Variants in DLGAP4 observed in about 807,000 individuals in gnomAD.
The protein encoded by DLGAP4 is DLG associated protein 4.
DLGAP4 carries 18 observed loss-of-function variants against 86.9 expected under a neutral mutation model. The ratio of observed to expected loss-of-function variants is 0.21; its 90% CI spans 0.14 to 0.31. DLGAP4 has a LOEUF of 0.31. DLGAP4 is among the 10% of genes least tolerant of loss of function. The pLI, the probability that DLGAP4 is intolerant of heterozygous loss-of-function variation, is 1.00. For missense variants in DLGAP4, 1,085 were observed against 1,362.6 expected (o/e 0.80, Z 3.21); for synonymous variants, 548 against 574.3 (o/e 0.95, Z 0.65).
Position 36,526,960 on chromosome 20 carries a change from C to T in DLGAP4, c.2908C>T (p.Arg970Trp), listed in dbSNP as rs887833789. ...LLAAKRAASV[R>W]QNSATESADS... is the part of the protein sequence containing the mutation. ...GGCGGCCAAGCGGGCAGCTTCTGTGCGGCAGAACTCAGCCACCGAGAGCGC... is the reference window on the plus strand; with the variant it reads ...GGCGGCCAAGCGGGCAGCTTCTGTGTGGCAGAACTCAGCCACCGAGAGCGC... The change falls in exon 13 of 13, where the codon CGG (arginine) becomes TGG (tryptophan). Residue 970 changes from arginine (R) to tryptophan (W), a missense_variant. Transcript: ENST00000339266. The T allele has an allele frequency of 4.3e-6, 7 of 1,610,408 alleles. No individual in the cohort carries two copies. The highest frequency in any genetic ancestry group is 5.9e-6 in the Non-Finnish European group (7 of 1,178,582).
intron 1 of DLGAP4, among the ~76,000 whole-genome samples, chr20:36,317,269 TTCTTTCTTA>T (rs1229855149): frequency 7.2e-3 from 222 of 30,940 alleles, no homozygotes; most frequent in Non-Finnish European, 8.8e-3. Flanking sequence ...CTTTCTTTCT[TTCTTTCTTA>T]TCTTTCTTTC....
chr20:36,511,720 C>A (rs1343197879), intron 10 of DLGAP4, among the ~76,000 whole-genome samples: 1 of 151,474 alleles, frequency 6.6e-6, no homozygotes, highest in Non-Finnish European at 1.5e-5. Context: ...ACTAAAAATA[C>A]AAAAATCAGC....
At chr20:36,328,634 T>G (rs1236902791) in intron 1 of DLGAP4, among the ~76,000 whole-genome samples, 1 of 152,074 alleles carries the variant, frequency 6.6e-6, no homozygotes, top group Non-Finnish European at 1.5e-5. Flanking sequence ...TTGTTTGTTT[T>G]TTTGTTTTTT....
At chr20:36,462,424 A>AG in intron 7 of DLGAP4, 1 of 1,498,492 alleles carries the variant, frequency 6.7e-7, no homozygotes, top group Non-Finnish European at 8.8e-7. Context: ...CCCCCCTTTG[A>AG]GCCTGCTTCT....
intron 1 of DLGAP4, among the ~76,000 whole-genome samples, chr20:36,345,134 G>C (rs2029896038): frequency 6.6e-6 from 1 of 152,202 alleles, no homozygotes; most frequent in African/African-American, 2.4e-5. Context: ...AGAAAGGAAG[G>C]CTGGATTCTT....
chr20:36,343,561 C>T (rs1276966419), intron 1 of DLGAP4, among the ~76,000 whole-genome samples: 4 of 152,114 alleles, frequency 2.6e-5, no homozygotes, highest in Admixed American at 2.6e-4. Context: ...CTATTCCCAC[C>T]GGAGGTGAAA....
At chr20:36,385,939 G>A (rs2031580045) in intron 2 of DLGAP4, among the ~76,000 whole-genome samples, 1 of 152,182 alleles carries the variant, frequency 6.6e-6, no homozygotes, top group South Asian at 2.1e-4. Context: ...CAGAGATCTA[G>A]CTGCACCCTC....
chr20:36,349,088 G>A (rs1454946257), intron 1 of DLGAP4, among the ~76,000 whole-genome samples: 1 of 98,498 alleles, frequency 1.0e-5, no homozygotes, highest in Non-Finnish European at 1.8e-5. Context: ...GGGCGTGACA[G>A]AACAAGACTC....
intron 7 of DLGAP4, among the ~76,000 whole-genome samples, chr20:36,449,013 TA>T (rs2033668870): frequency 6.6e-6 from 1 of 152,154 alleles, no homozygotes; most frequent in Admixed American, 6.5e-5. Context: ...GTGTTTGATG[TA>T]AATAAATGTC....
At chr20:36,353,455 C>T (rs546729945) in intron 1 of DLGAP4, among the ~76,000 whole-genome samples, 6 of 152,364 alleles carry the variant, frequency 3.9e-5, no homozygotes, top group Admixed American at 2.0e-4. Context: ...AAGGCCCCTT[C>T]TGCTGTCTCC....
chr20:36,441,049 C>T (rs1390008587), intron 5 of DLGAP4, among the ~76,000 whole-genome samples: 1 of 152,116 alleles, frequency 6.6e-6, no homozygotes, highest in Non-Finnish European at 1.5e-5. Flanking sequence ...CCAGACTCCA[C>T]CAAGTCACAC....
intron 5 of DLGAP4, 82 bp downstream of exon 5, chr20:36,439,950 G>A (rs532819572): frequency 1.6e-6 from 2 of 1,268,942 alleles, no homozygotes; most frequent in African/African-American, 3.0e-5. Context: ...CCCAGGCCCA[G>A]CCCATGCTGA....
intron 2 of DLGAP4, among the ~76,000 whole-genome samples, chr20:36,376,242 C>A (rs922900578): frequency 6.6e-6 from 1 of 152,008 alleles, no homozygotes; most frequent in Non-Finnish European, 1.5e-5. Flanking sequence ...CTTTGGGAGG[C>A]CAAGGCAGGT....
At chr20:36,512,896 T>TG (rs900500887) in intron 10 of DLGAP4, among the ~76,000 whole-genome samples, 1 of 122,108 alleles carries the variant, frequency 8.2e-6, no homozygotes, top group Non-Finnish European at 1.6e-5. Flanking sequence ...GAAGTCAGAC[T>TG]GGGGGCATCT....
intron 7 of DLGAP4, among the ~76,000 whole-genome samples, chr20:36,490,363 G>T (rs548431665): frequency 6.6e-6 from 1 of 152,072 alleles, no homozygotes; most frequent in Admixed American, 6.5e-5. Context: ...AGGATTTGAG[G>T]CTGGGTGGGT....
intron 2 of DLGAP4, among the ~76,000 whole-genome samples, chr20:36,398,820 G>C (rs1220480460): frequency 1.3e-5 from 2 of 152,224 alleles, no homozygotes; most frequent in Non-Finnish European, 2.9e-5. Context: ...CAGCCACTAT[G>C]CTGTGGTTCC....
chr20:36,339,231 G>A (rs1483198383), intron 1 of DLGAP4, among the ~76,000 whole-genome samples: 1 of 152,046 alleles, frequency 6.6e-6, no homozygotes, highest in East Asian at 1.9e-4. Flanking sequence ...GGGACTGAAG[G>A]TGCGTGCCAC....
At chr20:36,439,524 CG>C (rs913519688) in intron 4 of DLGAP4, among the ~76,000 whole-genome samples, 6 of 152,286 alleles carry the variant, frequency 3.9e-5, no homozygotes, top group African/African-American at 1.2e-4. Flanking sequence ...CCACCTCTGT[CG>C]GGCCTCTGGA....
chr20:36,413,042 C>T (rs1478270347), intron 2 of DLGAP4, among the ~76,000 whole-genome samples: 5 of 145,774 alleles, frequency 3.4e-5, no homozygotes, highest in South Asian at 4.3e-4. Context: ...TACAGTGTTG[C>T]GATCTTGGCT....
Sources: allele counts gnomAD v4.1 joint callset (sites outside exome capture counted in the v4.1 genomes callset), GRCh38; gene constraint gnomAD v4.1.1; transcripts MANE v1.5; gene names NCBI Gene and HGNC (gene_info 2026-07-23, HGNC 2026-07-21).